The following RHCE variants were observed in gnomAD, a reference collection of about 807,000 sequenced individuals.
The protein encoded by RHCE is Rh blood group CcEe antigens, also known as blood group Rh(CE) polypeptide.
Under a neutral mutation model 43.8 loss-of-function variants are expected in RHCE, and 22 were observed. The observed-to-expected ratio is 0.50, with a 90% CI of 0.36 to 0.72. The LOEUF is 0.72. Among genes scored for constraint, RHCE ranks in the 30% least tolerant of loss-of-function variants. The pLI, the probability that RHCE is intolerant of heterozygous loss-of-function variation, is 0.00. For missense variants in RHCE, 385 were observed against 525.4 expected (o/e 0.73, Z 2.61); for synonymous variants, 156 against 210.7 (o/e 0.74, Z 2.25).
intron 3 of RHCE, among the ~76,000 whole-genome samples, chr1:25,395,288 T>C (rs1415001991): frequency 6.7e-6 from 1 of 149,032 alleles, no homozygotes; most frequent in Admixed American, 6.7e-5. Flanking sequence ...AAAGAGTTGT[T>C]TTCTGCAGGA....
At position 25,416,822 on chromosome 1, in the gene RHCE, G is replaced by A. The variant is rs900450208; in HGVS notation, c.148+3817C>T. On this transcript the variant is annotated intron_variant, in intron 1 of 9. Coordinates refer to ENST00000294413, the MANE Select transcript of RHCE (RefSeq NM_020485.8). Reference sequence around the variant, plus strand: ...TTTTTTTTTTTTTTAGAGATGGCGGGGGGGGGTCTCCCTATGTTTCCTAGG... The same window carrying A: ...TTTTTTTTTTTTTTAGAGATGGCGGAGGGGGGTCTCCCTATGTTTCCTAGG... Among the ~76,000 whole-genome samples the A allele has an allele frequency of 4.0e-5, 6 of 148,774 alleles. No individual in the cohort carries two copies. In the South Asian group the frequency reaches 8.5e-4, roughly 21 times the overall value.
chr1:25,392,363 G>A (rs547174492), intron 3 of RHCE, among the ~76,000 whole-genome samples: 4 of 152,212 alleles, frequency 2.6e-5, no homozygotes, highest in East Asian at 1.9e-4. Flanking sequence ...CCAGGTTCAC[G>A]CGATTCTCCT....
intron 3 of RHCE, among the ~76,000 whole-genome samples, chr1:25,399,833 C>A (rs678017): frequency 6.6e-6 from 1 of 152,106 alleles, no homozygotes; most frequent in Non-Finnish European, 1.5e-5. Context: ...CAAAATATTA[C>A]CCATTGTAAA....
intron 6 of RHCE, among the ~76,000 whole-genome samples, chr1:25,386,771 A>G (rs1452626488): frequency 6.6e-6 from 1 of 151,900 alleles, no homozygotes; most frequent in Admixed American, 6.6e-5. Flanking sequence ...GCAGTAAGCC[A>G]AGATGGCGCC....
At chr1:25,370,297 C>G (rs1343325013) in intron 9 of RHCE, among the ~76,000 whole-genome samples, 170 bp downstream of exon 9, 3 of 151,594 alleles carry the variant, frequency 2.0e-5, no homozygotes, top group Non-Finnish European at 4.4e-5. Flanking sequence ...CACCCTCCCC[C>G]ACACACATGC....
chr1:25,410,395 T>C (rs184888021), intron 1 of RHCE, among the ~76,000 whole-genome samples: 183 of 152,298 alleles, frequency 1.2e-3, no homozygotes, highest in Middle Eastern at 3.4e-3. Flanking sequence ...TTTACTTTTT[T>C]AGTTTTAGTG....
At chr1:25,412,083 G>T (rs1363778209) in intron 1 of RHCE, among the ~76,000 whole-genome samples, 1 of 152,212 alleles carries the variant, frequency 6.6e-6, no homozygotes, top group Non-Finnish European at 1.5e-5. Context: ...GTTTATGAAA[G>T]CCCCACAACT....
At chr1:25,375,779 T>TTC (rs1201605226) in intron 7 of RHCE, among the ~76,000 whole-genome samples, 113 of 144,290 alleles carry the variant, frequency 7.8e-4, no homozygotes, top group Non-Finnish European at 1.1e-3. Flanking sequence ...GCCTCCAGTT[T>TTC]TCTCTCTCTC....
chr1:25,413,324 C>A (rs1433804921), intron 1 of RHCE, among the ~76,000 whole-genome samples: 1 of 152,160 alleles, frequency 6.6e-6, no homozygotes, highest in African/African-American at 2.4e-5. Context: ...GGGCTCCAGG[C>A]CCATTTCCAC....
chr1:25,384,645 A>T (rs1263260295), intron 7 of RHCE, among the ~76,000 whole-genome samples: 1 of 152,088 alleles, frequency 6.6e-6, no homozygotes, highest in South Asian at 2.1e-4. Context: ...TGATCCCTAT[A>T]ATTTGGGGCT....
chr1:25,388,506 C>T (rs1334508905), intron 6 of RHCE, among the ~76,000 whole-genome samples: 1 of 148,796 alleles, frequency 6.7e-6, no homozygotes, highest in Admixed American at 6.7e-5. Context: ...AACCAAAGAG[C>T]CCCTTCTCCA....
At chr1:25,418,399 T>G (rs1386039222) in intron 1 of RHCE, among the ~76,000 whole-genome samples, 3 of 152,070 alleles carry the variant, frequency 2.0e-5, no homozygotes, top group Non-Finnish European at 2.9e-5. Context: ...TCTTGCTCTG[T>G]CGCCCAGGCT....
At chr1:25,380,364 G>C (rs1489387707) in intron 7 of RHCE, among the ~76,000 whole-genome samples, 1 of 145,992 alleles carries the variant, frequency 6.8e-6, no homozygotes, top group Admixed American at 7.0e-5. Context: ...GGTTTTGCTG[G>C]GTTCTGCCCA....
chr1:25,409,418 G>A (rs1370412646), intron 1 of RHCE, among the ~76,000 whole-genome samples: 5 of 124,086 alleles, frequency 4.0e-5, no homozygotes, highest in African/African-American at 1.3e-4. Context: ...CGCCTGCTGC[G>A]AGGGACCTGG....
At chr1:25,423,194 C>T (rs621301), upstream of RHCE, among the ~76,000 whole-genome samples, 7 of 152,286 alleles carry the variant, frequency 4.6e-5, no homozygotes, top group East Asian at 1.9e-4. Context: ...TGGTTCTGAT[C>T]TCTGCTCTAT....
intron 2 of RHCE, among the ~76,000 whole-genome samples, chr1:25,426,210 G>A (rs1017920144): frequency 3.3e-5 from 5 of 152,176 alleles, no homozygotes; most frequent in African/African-American, 9.7e-5. Context: ...GATGCATAAA[G>A]CTAACATAAA....
rs1281858097 is a variant in RHCE at position 25,408,723 on chromosome 1, T to A, written c.295A>T (p.Ser99Cys). Residue 99 changes from serine to cysteine, a missense_variant, in exon 2 of 10, where the codon AGC becomes TGC. Transcript: ENST00000294413. ...QWAILLDGFL[S>C]QFPPGKVVIT... is the part of the protein sequence containing the mutation. ...ACCACCTTCCCAGGAGGGAACTGGC[T>A]CAGGAAGCCGTCCAGCAGGATTGCC... 7.8e-6 allele frequency: 10 copies of A among 1,282,126 alleles called. 3 individuals carry two copies. Among genetic ancestry groups the A allele is most frequent in the Non-Finnish European group, 1.0e-5 (10 of 962,528 alleles). 79.4% of individuals were successfully genotyped at this position (1,282,126 alleles called of 1,614,324 possible).
At chr1:25,410,327 A>G (rs976178821) in intron 1 of RHCE, among the ~76,000 whole-genome samples, 3 of 152,176 alleles carry the variant, frequency 2.0e-5, no homozygotes, top group Non-Finnish European at 2.9e-5. Context: ...GAGAGAGAGA[A>G]ATCTTGAAGA....
chr1:25,376,637 G>A (rs1184356301), intron 7 of RHCE, among the ~76,000 whole-genome samples: 2 of 152,102 alleles, frequency 1.3e-5, no homozygotes, highest in South Asian at 2.1e-4. Context: ...AATTAAGGCC[G>A]GGTGTGGTGG....
Sources: gnomAD v4.1 joint callset for allele counts (sites outside exome capture counted in the v4.1 genomes callset) on GRCh38, gnomAD v4.1.1 for gene constraint, MANE v1.5 for transcripts, NCBI Gene and HGNC (gene_info 2026-07-23, HGNC 2026-07-21) for gene names.